The following SAMMSON variants were observed in gnomAD, a reference collection of about 807,000 sequenced individuals.
SAMMSON encodes survival associated mitochondrial melanoma specific oncogenic non-coding RNA.
At chr3:70,361,573 T>G (rs1437637581) in intron 9 of SAMMSON, among the ~76,000 whole-genome samples, 1 of 152,210 alleles carries the variant, frequency 6.6e-6, no homozygotes, top group Non-Finnish European at 1.5e-5. Context: ...CGGATCCATA[T>G]TTACGAGACA....
chr3:70,364,015 CTTATCTGTTGACA>C (rs1437801714), intron 9 of SAMMSON, among the ~76,000 whole-genome samples: 2 of 151,780 alleles, frequency 1.3e-5, no homozygotes, highest in Admixed American at 6.6e-5. Flanking sequence ...TTCTTGAGAT[CTTATCTGTTGACA>C]TTCTCATTCC....
At position 70,307,860 on chromosome 3, in the gene SAMMSON, G is replaced by A. The variant is rs114397773; in HGVS notation, n.739+16617G>A. On this transcript the variant is annotated intron_variant and non_coding_transcript_variant, in intron 7 of 9. Transcript: ENST00000642114. The stretch of plus-strand genomic sequence containing the variant: ...TTCTCACTTCATTTTGCATTATTCC[G>A]TATATGAATAATCAGCCAATATGCC... 7.6e-3 allele frequency among the ~76,000 whole-genome samples: 1,162 copies of A among 152,154 alleles called. 11 individuals are homozygous for A. Among genetic ancestry groups the A allele is most frequent in the African/African-American group, 0.026 (1,098 of 41,508 alleles).
chr3:70,113,689 A>G (rs953259662), intron 4 of SAMMSON, among the ~76,000 whole-genome samples: 2 of 152,124 alleles, frequency 1.3e-5, no homozygotes, highest in African/African-American at 4.8e-5. Context: ...CTGTATTTTT[A>G]TGTCCCCTTG....
intron 2 of SAMMSON, among the ~76,000 whole-genome samples, chr3:70,428,294 A>T (rs748486035): frequency 1.3e-5 from 2 of 152,174 alleles, no homozygotes; most frequent in African/African-American, 2.4e-5. Context: ...TAGCCAAAAA[A>T]ATTTTTTTGA....
intron 6 of SAMMSON, chr3:70,272,398 C>T (rs1357903885): frequency 6.6e-6 from 1 of 152,166 alleles, no homozygotes; most frequent in African/African-American, 2.4e-5. Context: ...TTCTTTCGCT[C>T]AATATAATGC....
chr3:70,165,381 A>G (rs1000607012), intron 4 of SAMMSON, among the ~76,000 whole-genome samples: 6 of 151,948 alleles, frequency 3.9e-5, no homozygotes, highest in Non-Finnish European at 7.4e-5. Context: ...GCAGAGCCCC[A>G]TGAGTGAAAT....
chr3:70,297,856 T>G (rs1046414842), intron 7 of SAMMSON, among the ~76,000 whole-genome samples: 5 of 152,154 alleles, frequency 3.3e-5, no homozygotes, highest in Non-Finnish European at 7.4e-5. Context: ...TTGAATTTAA[T>G]TCATGATTGA....
At chr3:70,221,185 C>T (rs1701457789) in intron 4 of SAMMSON, among the ~76,000 whole-genome samples, 1 of 152,132 alleles carries the variant, frequency 6.6e-6, no homozygotes, top group African/African-American at 2.4e-5. Context: ...TGAGTTTCCT[C>T]TCCCACATAC....
intron 4 of SAMMSON, chr3:70,205,879 T>C (rs1334218073): frequency 6.6e-6 from 1 of 152,132 alleles, no homozygotes; most frequent in East Asian, 1.9e-4. Context: ...GTTTTTCTCC[T>C]GTAAAGGTCA....
intron 3 of SAMMSON, among the ~76,000 whole-genome samples, chr3:70,037,892 C>T (rs567153860): frequency 1.8e-4 from 27 of 152,134 alleles, no homozygotes; most frequent in Non-Finnish European, 3.4e-4. Flanking sequence ...AGTTGTTGAG[C>T]TCAACATCTG....
intron 8 of SAMMSON, among the ~76,000 whole-genome samples, chr3:70,356,205 G>A (rs1702828181): frequency 6.6e-6 from 1 of 151,868 alleles, no homozygotes; most frequent in South Asian, 2.1e-4. Flanking sequence ...CAAAATCATT[G>A]GCTTTTTATA....
intron 4 of SAMMSON, among the ~76,000 whole-genome samples, chr3:70,080,832 G>A (rs1377184280): frequency 1.3e-5 from 2 of 152,002 alleles, no homozygotes; most frequent in African/African-American, 4.8e-5. Flanking sequence ...ATCCTTAGAA[G>A]TGTGAAAAAA....
At chr3:70,152,227 AT>A (rs1426893084) in intron 4 of SAMMSON, among the ~76,000 whole-genome samples, 1 of 152,032 alleles carries the variant, frequency 6.6e-6, no homozygotes, top group African/African-American at 2.4e-5. Flanking sequence ...ATGAAAAAAA[AT>A]CATCAAACAA....
At chr3:70,255,692 C>G (rs1159371072) in intron 6 of SAMMSON, among the ~76,000 whole-genome samples, 1 of 152,048 alleles carries the variant, frequency 6.6e-6, no homozygotes, top group Non-Finnish European at 1.5e-5. Context: ...CTGCTGGGCT[C>G]AAGTATTCCC....
intron 2 of SAMMSON, among the ~76,000 whole-genome samples, chr3:70,400,623 A>G (rs974014755): frequency 6.6e-6 from 1 of 152,190 alleles, no homozygotes; most frequent in African/African-American, 2.4e-5. Flanking sequence ...GGACTCAGAC[A>G]TGTGGCAAGA....
At chr3:70,288,245 T>A (rs1368168094) in intron 6 of SAMMSON, among the ~76,000 whole-genome samples, 2 of 130,752 alleles carry the variant, frequency 1.5e-5, no homozygotes, top group African/African-American at 3.0e-5. Flanking sequence ...TCCCAGAGAT[T>A]CTGGTATGTT....
chr3:70,116,295 T>TC (rs1553640573), intron 4 of SAMMSON, among the ~76,000 whole-genome samples: 1 of 150,076 alleles, frequency 6.7e-6, no homozygotes, highest in African/African-American at 2.4e-5. Flanking sequence ...ATGCTTTCTT[T>TC]TTTTTTTTTT....
intron 4 of SAMMSON, among the ~76,000 whole-genome samples, chr3:70,092,298 T>C (rs756244453): frequency 1.1e-4 from 16 of 152,128 alleles, no homozygotes; most frequent in Non-Finnish European, 1.6e-4. Flanking sequence ...TATGTATTCA[T>C]GGGTATATGA....
At chr3:70,137,474 T>C (rs939387977) in intron 4 of SAMMSON, 6 of 152,288 alleles carry the variant, frequency 3.9e-5, no homozygotes, top group African/African-American at 1.4e-4. Flanking sequence ...ACAGTGTCCA[T>C]ACAAAAAGTC....
Sources: allele counts gnomAD v4.1 joint callset (sites outside exome capture counted in the v4.1 genomes callset), GRCh38; gene constraint gnomAD v4.1.1; transcripts MANE v1.5; gene names NCBI Gene and HGNC (gene_info 2026-07-23, HGNC 2026-07-21).